Variants in EXPH5 observed in about 807,000 individuals in gnomAD.
EXPH5 encodes the protein exophilin-5.
EXPH5 carries 42 observed loss-of-function variants against 41.1 expected under a neutral mutation model. The ratio of observed to expected loss-of-function variants is 1.02; its 90% confidence interval spans 0.80 to 1.32. The LOEUF (loss-of-function observed/expected upper bound fraction) is 1.32, where lower values mean the gene tolerates loss of function less well. Among genes scored for constraint, EXPH5 ranks in the 40% most tolerant of loss-of-function variants. The probability of loss-of-function intolerance (pLI) is 0.00; values close to 1 mark genes in which losing one functional copy is unlikely to be tolerated. For synonymous variants in EXPH5, 798 were observed against 833.5 expected (o/e 0.96, Z 0.73); for missense variants, 2,298 against 2,314.5 (o/e 0.99, Z 0.15).
chr11:108,543,130 C>T (rs1166366868), intron 1 of EXPH5, among the ~76,000 whole-genome samples: 1 of 152,174 alleles, frequency 6.6e-6, no homozygotes, highest in Non-Finnish European at 1.5e-5. Flanking sequence ...TTGAGACGGA[C>T]AGAAAAGCCA....
At chr11:108,541,425 AT>A (rs1253053812) in intron 2 of EXPH5, among the ~76,000 whole-genome samples, 1 of 152,096 alleles carries the variant, frequency 6.6e-6, no homozygotes, top group Non-Finnish European at 1.5e-5. Flanking sequence ...ATCTTGCCTG[AT>A]TCAAAAAAAC....
intron 3 of EXPH5, among the ~76,000 whole-genome samples, chr11:108,537,363 T>C (rs1369271165): frequency 1.3e-5 from 2 of 152,242 alleles, no homozygotes; most frequent in Non-Finnish European, 2.9e-5. Context: ...ATATCAATAA[T>C]AACAAGATAA....
intron 3 of EXPH5, among the ~76,000 whole-genome samples, chr11:108,532,368 T>TATATATATATACATA: frequency 3.7e-5 from 1 of 27,162 alleles, no homozygotes; most frequent in Admixed American, 4.5e-4. Context: ...ATATATATAT[T>TATATATATATACATA]TTTTTTTTTT....
At chr11:108,520,106 G>A (rs1157850501) in intron 4 of EXPH5, among the ~76,000 whole-genome samples, 4 of 152,124 alleles carry the variant, frequency 2.6e-5, no homozygotes, top group Non-Finnish European at 5.9e-5. Flanking sequence ...TGCACAGTGT[G>A]GGGTAAAGGG....
intron 1 of EXPH5, among the ~76,000 whole-genome samples, chr11:108,542,760 C>G (rs1001693088): frequency 3.9e-5 from 6 of 152,018 alleles, no homozygotes; most frequent in Admixed American, 6.6e-5. Context: ...TCTCTGTCAC[C>G]CAGGCTGGAG....
In EXPH5 at chr11:108,593,590, A is replaced by C; in HGVS notation, c.-54T>G. The stretch of plus-strand genomic sequence containing the variant: ...AGCTCCTTGGCGCCTCCTGTTAGGA[A>C]GGCATTTTTCAACCTGTACAAGACC... On this transcript the variant is annotated 5_prime_UTR_variant, in exon 1 of 6. Coordinates refer to ENST00000265843, the MANE Select transcript of EXPH5 (RefSeq NM_015065.3). 6.2e-7 allele frequency: 1 copy of C among 1,613,232 alleles called. No individual in the cohort carries two copies.
the EXPH5 span, among the ~76,000 whole-genome samples, chr11:108,605,764 A>G: frequency 6.6e-6 from 1 of 152,212 alleles, no homozygotes; most frequent in Non-Finnish European, 1.5e-5. Context: ...TATAGTGGAC[A>G]TATATGATGA....
chr11:108,514,830 C>T lies in EXPH5; in HGVS notation c.677G>A (p.Ser226Asn). The T allele has an allele frequency of 6.5e-7, 1 of 1,546,050 alleles. No individual in the cohort carries two copies. Among genetic ancestry groups the T allele is most frequent in the South Asian group, 1.3e-5 (1 of 76,504 alleles). Residue 226 changes from serine (S) to asparagine (N), a missense_variant, in exon 6 of 6, where the codon AGC becomes AAC. Transcript: ENST00000265843. ...DSKLAQEQSA[S>N]SVNTRTPLNY... is the part of the protein sequence containing the mutation. ...GAGGGGTGTTCTGGTATTCACTGAG[C>T]TTGCAGACTGTTCCTGAGCCAATTT...
At chr11:108,588,197 G>A (rs1486902931) in intron 1 of EXPH5, among the ~76,000 whole-genome samples, 2 of 152,158 alleles carry the variant, frequency 1.3e-5, no homozygotes, top group African/African-American at 4.8e-5. Context: ...TAACATAAAT[G>A]GTTGCCAGCA....
intron 4 of EXPH5, among the ~76,000 whole-genome samples, chr11:108,526,452 C>CT (rs1373457348): frequency 7.2e-5 from 11 of 152,338 alleles, no homozygotes; most frequent in African/African-American, 2.6e-4. Context: ...ATTTGCCTTT[C>CT]TTTTTACATT....
chr11:108,521,068 G>C (rs568704791), intron 4 of EXPH5, among the ~76,000 whole-genome samples: 1 of 152,076 alleles, frequency 6.6e-6, no homozygotes, highest in East Asian at 1.9e-4. Context: ...AGCTCATCCT[G>C]CACTCATCCA....
In EXPH5 at chr11:108,511,729, G is replaced by A. The variant is rs747056182; in HGVS notation, c.3778C>T (p.Pro1260Ser). ...VSIYYTLPRK[P>S]SKKFCNLLQQ... Reference sequence around the variant, plus strand: ...AGGAGGTTACAGAATTTTTTGCTGGGTTTCCTCGGTAGAGTGTAATATATT... The same window carrying A: ...AGGAGGTTACAGAATTTTTTGCTGGATTTCCTCGGTAGAGTGTAATATATT... Residue 1260 changes from proline (P) to serine (S), a missense_variant, in exon 6 of 6, where the codon CCC (proline) becomes TCC (serine). Pro to Ser is a moderately conservative substitution (Grantham distance 74). Transcript: ENST00000265843. 6 of 1,607,862 alleles carry A rather than the reference G, an allele frequency of 3.7e-6. No homozygotes were observed. Among genetic ancestry groups the A allele is most frequent in the Non-Finnish European group, 3.4e-6 (4 of 1,178,526 alleles).
chr11:108,542,414 A>G (rs2093917833), intron 1 of EXPH5, among the ~76,000 whole-genome samples: 1 of 152,112 alleles, frequency 6.6e-6, no homozygotes, highest in South Asian at 2.1e-4. Context: ...AATAATCATC[A>G]GGCTGATGAG....
chr11:108,545,757 G>A (rs1478248846), intron 1 of EXPH5, among the ~76,000 whole-genome samples: 1 of 152,054 alleles, frequency 6.6e-6, no homozygotes, highest in Non-Finnish European at 1.5e-5. Context: ...TTTAAAATTA[G>A]CCAGGTGTAG....
At chr11:108,540,227 G>A (rs2093905219) in intron 2 of EXPH5, among the ~76,000 whole-genome samples, 1 of 152,160 alleles carries the variant, frequency 6.6e-6, no homozygotes, top group Admixed American at 6.5e-5. Flanking sequence ...GGAGGCTGAG[G>A]CAGGAGAATT....
chr11:108,597,079 C>T (rs2094139861), upstream of EXPH5, among the ~76,000 whole-genome samples: 1 of 152,178 alleles, frequency 6.6e-6, no homozygotes, highest in Non-Finnish European at 1.5e-5. Context: ...AGTCCCCTAC[C>T]CTCTCTAGTC....
chr11:108,529,282 C>T (rs1032136573), intron 3 of EXPH5, among the ~76,000 whole-genome samples: 7 of 152,088 alleles, frequency 4.6e-5, no homozygotes, highest in Admixed American at 6.5e-5. Context: ...TCAGATTCAA[C>T]GAGAAGGTGA....
At chr11:108,569,300 G>C (rs1162278625) in intron 1 of EXPH5, among the ~76,000 whole-genome samples, 1 of 149,886 alleles carries the variant, frequency 6.7e-6, no homozygotes, top group Non-Finnish European at 1.5e-5. Flanking sequence ...CTTATCATTC[G>C]TCACGTTATA....
At chr11:108,527,207 C>T (rs1166574897) in intron 4 of EXPH5, among the ~76,000 whole-genome samples, 2 of 151,990 alleles carry the variant, frequency 1.3e-5, no homozygotes, top group Non-Finnish European at 2.9e-5. Flanking sequence ...GCAATCCCAG[C>T]TAATTGGGAG....
Sources: gnomAD v4.1 joint callset for allele counts (sites outside exome capture counted in the v4.1 genomes callset) on GRCh38, gnomAD v4.1.1 for gene constraint, MANE v1.5 for transcripts, NCBI Gene and HGNC (gene_info 2026-07-23, HGNC 2026-07-21) for gene names.